The following NCALD variants were observed in gnomAD, a reference collection of about 807,000 sequenced individuals.
The protein encoded by NCALD is neurocalcin delta.
NCALD carries 10 observed loss-of-function variants against 18.6 expected under a neutral mutation model. The ratio of observed to expected loss-of-function variants is 0.54; its 90% CI spans 0.33 to 0.91. The LOEUF (loss-of-function observed/expected upper bound fraction) is 0.91. NCALD is among the 40% of genes least tolerant of loss of function. The pLI, the probability that NCALD is intolerant of heterozygous loss-of-function variation, is 0.03. For synonymous variants in NCALD, 88 were observed against 87.4 expected (o/e 1.01, Z -0.04); for missense variants, 184 against 247.6 (o/e 0.74, Z 1.72).
chr8:102,093,817 A>G (rs922579746), intron 1 of NCALD, among the ~76,000 whole-genome samples: 5 of 152,124 alleles, frequency 3.3e-5, no homozygotes, highest in Non-Finnish European at 7.4e-5. Context: ...TGAGCCACTG[A>G]AGTCAGCTCT....
At chr8:101,855,978 G>T (rs779390896) in intron 4 of NCALD, among the ~76,000 whole-genome samples, 16 of 152,120 alleles carry the variant, frequency 1.1e-4, no homozygotes, top group Admixed American at 3.9e-4. Context: ...CATACATCTT[G>T]CTGTGACACC....
At chr8:102,043,671 A>AAGGAGGAGGAAGAGGAGG (rs1823134088) in intron 1 of NCALD, among the ~76,000 whole-genome samples, 2 of 147,192 alleles carry the variant, frequency 1.4e-5, no homozygotes, top group African/African-American at 5.1e-5. Flanking sequence ...AGAAGAAGAG[A>AAGGAGGAGGAAGAGGAGG]AGGAGGAGGA....
chr8:101,841,361 C>G (rs970411450), intron 4 of NCALD, among the ~76,000 whole-genome samples: 1 of 152,202 alleles, frequency 6.6e-6, no homozygotes, highest in African/African-American at 2.4e-5. Flanking sequence ...AATAGCCACC[C>G]CTTCTTCCCT....
chr8:101,989,059 C>A (rs1453104632), intron 2 of NCALD, among the ~76,000 whole-genome samples: 2 of 152,030 alleles, frequency 1.3e-5, no homozygotes, highest in African/African-American at 4.8e-5. Flanking sequence ...TTGAGAGAAA[C>A]AATAAAGATC....
At chr8:101,848,749 T>C (rs916291730) in intron 4 of NCALD, among the ~76,000 whole-genome samples, 1 of 152,078 alleles carries the variant, frequency 6.6e-6, no homozygotes, top group Non-Finnish European at 1.5e-5. Flanking sequence ...CAGAGAAAAG[T>C]GAAAGGTAAA....
Position 101,801,643 on chromosome 8 carries a change from C to CTTTTTTTTTTTTTTTTTTTT in NCALD, c.-19-82015_-19-81996dup, listed in dbSNP as rs71268530. 4.5e-5 allele frequency among the ~76,000 whole-genome samples: 2 copies of CTTTTTTTTTTTTTTTTTTTT among 44,140 alleles called. 1 individual carries two copies. The highest frequency in any genetic ancestry group is 1.1e-4 in the Non-Finnish European group (2 of 17,862). The allele number at this position is 44,140 out of a possible 152,430, so 29.0% of individuals were successfully genotyped here. ...TCTCTATGATTTACAAGCACACTTACTTTTTTTTTTTTTTTTTTTTTTTTT... is the reference window on the plus strand; with the variant it reads ...TCTCTATGATTTACAAGCACACTTACTTTTTTTTTTTTTTTTTTTTTTTTTTTTTTTTTTTTTTTTTTTTT... On this transcript the variant is annotated intron_variant, in intron 4 of 6. Coordinates refer to the NCALD transcript ENST00000311028.
intron 2 of NCALD, among the ~76,000 whole-genome samples, chr8:101,703,049 C>T (rs1815342446): frequency 6.6e-6 from 1 of 152,188 alleles, no homozygotes; most frequent in African/African-American, 2.4e-5. Context: ...TACAAAACAT[C>T]TATGAACAGT....
chr8:102,018,990 AAC>A (rs1316198040), intron 2 of NCALD, among the ~76,000 whole-genome samples: 1 of 152,178 alleles, frequency 6.6e-6, no homozygotes, highest in Non-Finnish European at 1.5e-5. Context: ...AGATATTTGT[AAC>A]ACATACATCC....
At chr8:101,933,900 C>A (rs1340641847) in intron 2 of NCALD, among the ~76,000 whole-genome samples, 2 of 152,050 alleles carry the variant, frequency 1.3e-5, no homozygotes, top group East Asian at 1.9e-4. Context: ...GAAGTTAACC[C>A]ACAGAGAGAC....
At chr8:101,779,264 C>G (rs756755500) in intron 1 of NCALD, among the ~76,000 whole-genome samples, 18 of 152,062 alleles carry the variant, frequency 1.2e-4, no homozygotes, top group Non-Finnish European at 2.5e-4. Flanking sequence ...GAAAGAAATT[C>G]TAGTAGAAGA....
chr8:101,748,797 C>T (rs1475674947), intron 1 of NCALD, among the ~76,000 whole-genome samples: 1 of 152,188 alleles, frequency 6.6e-6, no homozygotes, highest in Non-Finnish European at 1.5e-5. Flanking sequence ...AACTCTCGTT[C>T]TAAACCAGTA....
intron 2 of NCALD, among the ~76,000 whole-genome samples, chr8:101,938,523 T>C (rs1333598504): frequency 2.6e-5 from 4 of 152,124 alleles, no homozygotes; most frequent in African/African-American, 7.2e-5. Flanking sequence ...ACAGCTACAG[T>C]TTTCAGATCA....
chr8:101,817,922 G>C (rs1207629112), intron 4 of NCALD, among the ~76,000 whole-genome samples: 2 of 152,152 alleles, frequency 1.3e-5, no homozygotes, highest in African/African-American at 4.8e-5. Context: ...CAAAACAGCT[G>C]CGGGAAGGAT....
chr8:101,780,729 A>G (rs1337775613), intron 1 of NCALD, among the ~76,000 whole-genome samples: 1 of 152,186 alleles, frequency 6.6e-6, no homozygotes, highest in Non-Finnish European at 1.5e-5. Flanking sequence ...TTTTACACGC[A>G]TATTTTACCA....
At chr8:101,690,887 G>GAGGCACCA in intron 3 of NCALD, 1 of 985,396 alleles carries the variant, frequency 1.0e-6, no homozygotes, top group South Asian at 4.7e-5. Context: ...TCGGCTCTGG[G>GAGGCACCA]AGGCACCAGC....
chr8:102,052,163 A>T (rs1823479215), intron 1 of NCALD, among the ~76,000 whole-genome samples: 1 of 152,034 alleles, frequency 6.6e-6, no homozygotes, highest in Non-Finnish European at 1.5e-5. Context: ...TTAAGATAAT[A>T]TTTTTTTTAA....
chr8:101,935,017 T>A (rs528827745), intron 2 of NCALD, among the ~76,000 whole-genome samples: 2 of 152,158 alleles, frequency 1.3e-5, no homozygotes, highest in South Asian at 4.1e-4. Context: ...AAAAAACTTG[T>A]CAAAGAAGTC....
At chr8:101,998,344 G>A (rs1375233215) in intron 2 of NCALD, among the ~76,000 whole-genome samples, 2 of 152,074 alleles carry the variant, frequency 1.3e-5, no homozygotes, top group Admixed American at 6.6e-5. Context: ...TGCAATGGGC[G>A]ATTTTGCTGG....
In NCALD at chr8:101,832,293, TC is replaced by T. The variant is rs762515290; in HGVS notation, c.-20+54847del. ...CTCTCTGCCATAAATCCATGGGACC[TC>T]CTCCTTGAGGCCTCTAACAGCCTGA... On this transcript the variant is annotated intron_variant, in intron 4 of 6. Coordinates refer to the NCALD transcript ENST00000311028. Among the ~76,000 whole-genome samples, 85 of 152,078 alleles carry T rather than the reference TC, an allele frequency of 5.6e-4. 1 individual carries two copies. The highest frequency in any genetic ancestry group is 1.6e-4 in the Non-Finnish European group (11 of 68,024).
Sources: allele counts gnomAD v4.1 joint callset (sites outside exome capture counted in the v4.1 genomes callset), GRCh38; gene constraint gnomAD v4.1.1; transcripts MANE v1.5; gene names NCBI Gene and HGNC (gene_info 2026-07-23, HGNC 2026-07-21).